Variants in BMPER observed in about 807,000 individuals in gnomAD.
BMPER encodes the protein BMP binding endothelial regulator, also known as BMP-binding endothelial regulator protein.
In BMPER, 45 loss-of-function variants were observed where a neutral mutation model predicts 87.3. That is an observed-to-expected ratio of 0.52 (90% CI 0.41 to 0.66). BMPER has a LOEUF of 0.66. Among genes scored for constraint, BMPER ranks in the 30% least tolerant of loss-of-function variants. The pLI is 0.00. For missense variants in BMPER, 784 were observed against 867.5 expected, an observed-to-expected ratio of 0.90 and a Z score of 1.21; for synonymous variants, 326 against 316.2, an observed-to-expected ratio of 1.03 and a Z score of -0.33.
chr7:33,970,485 C>T, intron 5 of BMPER, 66 bp downstream of exon 5: 5 of 1,505,902 alleles, frequency 3.3e-6, no homozygotes, highest in Non-Finnish European at 4.6e-6. Flanking sequence ...ATGAATCTCC[C>T]AACCCCTCTT....
At chr7:34,112,444 C>T (rs919613777) in intron 13 of BMPER, among the ~76,000 whole-genome samples, 1 of 128,554 alleles carries the variant, frequency 7.8e-6, no homozygotes, top group Non-Finnish European at 1.5e-5. Flanking sequence ...TGCAGTGAGC[C>T]GAGAGACGCC....
chr7:33,991,969 G>A (rs1269209517), intron 6 of BMPER, among the ~76,000 whole-genome samples: 1 of 144,898 alleles, frequency 6.9e-6, no homozygotes, highest in Admixed American at 6.9e-5. Context: ...TGATTGCACT[G>A]TGGTCTGAGA....
In BMPER at chr7:34,126,329, C is replaced by T. The variant is rs994381056; in HGVS notation, c.1746-16901C>T. ...AGATGAAGGTGTAAAGCAGGAAGAG[C>T]GTAGCTCATCTGGGGACTTGTGGAC... is the stretch of plus-strand genomic sequence containing the variant. On this transcript the variant is annotated intron_variant, in intron 13 of 14. Coordinates refer to ENST00000649409, the MANE Select transcript of BMPER (RefSeq NM_001365308.1). Among the ~76,000 whole-genome samples the T allele has an allele frequency of 5.3e-5, 8 of 152,154 alleles. No individual in the cohort carries two copies. The South Asian group carries it at 8.3e-4, about 16-fold the overall frequency.
intron 14 of BMPER, among the ~76,000 whole-genome samples, chr7:34,147,107 A>G (rs1791048136): frequency 6.6e-6 from 1 of 152,204 alleles, no homozygotes; most frequent in South Asian, 2.1e-4. Context: ...TTTCTGTAGC[A>G]TAACGGATGG....
At chr7:33,930,406 A>G (rs1784454055) in intron 2 of BMPER, among the ~76,000 whole-genome samples, 1 of 152,174 alleles carries the variant, frequency 6.6e-6, no homozygotes. Flanking sequence ...CATCAATCAA[A>G]TTTAATACTG....
At chr7:33,970,207 T>C (rs1444077805) in intron 4 of BMPER, 122 bp from the exon 5 acceptor site, 3 of 931,280 alleles carry the variant, frequency 3.2e-6, no homozygotes, top group Non-Finnish European at 5.3e-6. Context: ...CCTCTCGCCC[T>C]GACACCCACC....
intron 10 of BMPER, among the ~76,000 whole-genome samples, chr7:34,060,510 T>G (rs1788409505): frequency 6.6e-6 from 1 of 152,222 alleles, no homozygotes; most frequent in Non-Finnish European, 1.5e-5. Flanking sequence ...GATGACTGGC[T>G]GGGGCTGAGT....
intron 2 of BMPER, chr7:33,922,044 C>T (rs1051068395): frequency 1.2e-5 from 4 of 339,702 alleles, no homozygotes; most frequent in African/African-American, 4.3e-5. Context: ...GTTTTCTTCT[C>T]TCCCTTTTGC....
At chr7:33,954,545 G>A (rs911967425) in intron 3 of BMPER, among the ~76,000 whole-genome samples, 7 of 152,156 alleles carry the variant, frequency 4.6e-5, no homozygotes, top group African/African-American at 1.7e-4. Context: ...TTAGAGAGCT[G>A]GCTGTTAAAT....
intron 7 of BMPER, among the ~76,000 whole-genome samples, chr7:34,051,431 T>C (rs1158623090): frequency 6.6e-6 from 1 of 152,212 alleles, no homozygotes; most frequent in Non-Finnish European, 1.5e-5. Flanking sequence ...AAGAAGCTCC[T>C]CAGGCATTAT....
intron 8 of BMPER, among the ~76,000 whole-genome samples, chr7:34,052,680 T>C (rs1395551860): frequency 1.3e-5 from 2 of 152,176 alleles, no homozygotes; most frequent in Non-Finnish European, 2.9e-5. Flanking sequence ...TGATGGTTGT[T>C]GTTGTTTGTT....
intron 13 of BMPER, among the ~76,000 whole-genome samples, chr7:34,115,339 G>A (rs997966194): frequency 5.3e-5 from 8 of 152,186 alleles, no homozygotes; most frequent in African/African-American, 1.9e-4. Context: ...GTGTTATTTA[G>A]ATATAGTTCA....
chr7:34,130,806 T>C (rs1356763140), intron 13 of BMPER, among the ~76,000 whole-genome samples: 3 of 152,100 alleles, frequency 2.0e-5, no homozygotes, highest in Non-Finnish European at 4.4e-5. Flanking sequence ...AGCTGCATAT[T>C]GAAGGAGGAG....
chr7:33,973,587 C>T (rs977683710), intron 5 of BMPER, among the ~76,000 whole-genome samples: 2 of 152,234 alleles, frequency 1.3e-5, no homozygotes, highest in African/African-American at 4.8e-5. Flanking sequence ...GCCCATTCTT[C>T]TTTGTCAAGA....
At chr7:34,032,927 A>G (rs1310989512) in intron 6 of BMPER, among the ~76,000 whole-genome samples, 1 of 152,194 alleles carries the variant, frequency 6.6e-6, no homozygotes, top group African/African-American at 2.4e-5. Context: ...AGAGGGAACA[A>G]GAATTAATCC....
At chr7:33,996,034 A>T (rs1007013915) in intron 6 of BMPER, among the ~76,000 whole-genome samples, 1 of 152,128 alleles carries the variant, frequency 6.6e-6, no homozygotes, top group Non-Finnish European at 1.5e-5. Context: ...AATACCCAGA[A>T]ACCCTCTGTT....
intron 14 of BMPER, among the ~76,000 whole-genome samples, chr7:34,143,629 A>G (rs905855251): frequency 1.3e-5 from 2 of 152,208 alleles, no homozygotes; most frequent in Non-Finnish European, 2.9e-5. Flanking sequence ...TTGACCTCAA[A>G]CTACCAGCTG....
intron 13 of BMPER, among the ~76,000 whole-genome samples, chr7:34,120,768 TAA>T (rs1490884894): frequency 1.3e-5 from 2 of 152,152 alleles, no homozygotes; most frequent in East Asian, 3.8e-4. Flanking sequence ...AAACGAGCTT[TAA>T]GAAAGAATAT....
intron 14 of BMPER, among the ~76,000 whole-genome samples, chr7:34,149,154 C>T (rs149283720): frequency 2.9e-3 from 434 of 152,224 alleles, no homozygotes; most frequent in African/African-American, 9.8e-3. Flanking sequence ...TCTTCAACTG[C>T]GGGTACTTGT....
Sources: gnomAD v4.1 joint callset for allele counts (sites outside exome capture counted in the v4.1 genomes callset) on GRCh38, gnomAD v4.1.1 for gene constraint, MANE v1.5 for transcripts, NCBI Gene and HGNC (gene_info 2026-07-23, HGNC 2026-07-21) for gene names.